Variants in TENM1 observed in about 807,000 individuals in gnomAD.
TENM1 encodes the protein teneurin transmembrane protein 1.
Under a neutral mutation model 174.8 loss-of-function variants are expected in TENM1, and 35 were observed. That is an observed-to-expected ratio of 0.20 (90% CI 0.15 to 0.27). The LOEUF is 0.27. Ranked by LOEUF, TENM1 falls within the 10% of genes least tolerant of loss-of-function variation. The pLI is 1.00. For synonymous variants in TENM1, 781 were observed against 798.7 expected (o/e 0.98, Z 0.37); for missense variants, 1,633 against 2,130.1 (o/e 0.77, Z 4.59).
chrX:124,958,935 A>C (rs2058615955), intron 1 of TENM1, among the ~76,000 whole-genome samples: 1 of 111,244 alleles, frequency 9.0e-6, no homozygotes, highest in African/African-American at 3.3e-5. Context: ...TTAAGTTTAC[A>C]TAACTAGTAA....
the TENM1 span, among the ~76,000 whole-genome samples, chrX:125,107,113 G>A: frequency 8.9e-6 from 1 of 111,977 alleles, no homozygotes; most frequent in Non-Finnish European, 1.9e-5. Flanking sequence ...AGATTTGCGT[G>A]GTTGGATATA....
the TENM1 span, among the ~76,000 whole-genome samples, chrX:125,144,984 G>T: frequency 9.1e-6 from 1 of 110,236 alleles, no homozygotes; most frequent in Non-Finnish European, 1.9e-5. Flanking sequence ...CTGACCTCAG[G>T]TTATCTGCCC....
intron 4 of TENM1, among the ~76,000 whole-genome samples, chrX:124,727,883 T>A (rs1333654098): frequency 8.9e-6 from 1 of 111,942 alleles, no homozygotes; most frequent in Non-Finnish European, 1.9e-5. Flanking sequence ...AAAACTGAAA[T>A]TCAGAAAGGT....
chrX:124,627,556 A>C (rs1462973108), intron 11 of TENM1, among the ~76,000 whole-genome samples: 1 of 111,955 alleles, frequency 8.9e-6, no homozygotes, highest in Non-Finnish European at 1.9e-5. Flanking sequence ...CTCAGATGCC[A>C]ACTGACAGCT....
At chrX:124,812,390 GAAAC>G (rs1000214814) in intron 3 of TENM1, among the ~76,000 whole-genome samples, 10 of 111,430 alleles carry the variant, frequency 9.0e-5, no homozygotes, top group African/African-American at 3.2e-4. Flanking sequence ...GGAAAGAAAA[GAAAC>G]AAGTAATCTC....
chrX:124,626,350 T>C (rs1299212712), intron 11 of TENM1, among the ~76,000 whole-genome samples: 2 of 111,809 alleles, frequency 1.8e-5, no homozygotes, highest in Non-Finnish European at 3.8e-5. Flanking sequence ...TTGCACTTTC[T>C]GATTGGTTTT....
At chrX:124,381,377 G>T in intron 31 of TENM1, 83 bp from the exon 35 acceptor site, 1 of 942,164 alleles carries the variant, frequency 1.1e-6, no homozygotes, top group Non-Finnish European at 1.4e-6. Context: ...GGACAGGCTT[G>T]CAAGTTTGCT....
intron 3 of TENM1, among the ~76,000 whole-genome samples, chrX:124,802,907 C>T (rs1250831205): frequency 2.7e-5 from 3 of 112,040 alleles, no homozygotes; most frequent in Non-Finnish European, 5.6e-5. Context: ...TCTATGTCAT[C>T]AATAGATAAT....
intron 27 of TENM1, among the ~76,000 whole-genome samples, chrX:124,395,920 T>A (rs2060328096): frequency 8.9e-6 from 1 of 112,081 alleles, no homozygotes; most frequent in Non-Finnish European, 1.9e-5. Context: ...TCAACTAAAT[T>A]TGTGGTTTTA....
chrX:124,605,531 T>C (rs1343515435), intron 11 of TENM1, among the ~76,000 whole-genome samples: 1 of 110,742 alleles, frequency 9.0e-6, no homozygotes, highest in African/African-American at 3.3e-5. Context: ...CCAAACATTT[T>C]CAAATACCCT....
chrX:125,147,029 C>T, the TENM1 span, among the ~76,000 whole-genome samples: 1 of 109,753 alleles, frequency 9.1e-6, no homozygotes, highest in Admixed American at 9.7e-5. Context: ...CAAATATACA[C>T]ACATGCATAC....
At chrX:124,467,378 C>T (rs1015298923) in intron 22 of TENM1, among the ~76,000 whole-genome samples, 6 of 111,669 alleles carry the variant, frequency 5.4e-5, no homozygotes, top group African/African-American at 9.8e-5. Context: ...TGACTTTCTT[C>T]GGTCAACGAT....
At chrX:125,121,232 A>G in the TENM1 span, among the ~76,000 whole-genome samples, 2 of 111,459 alleles carry the variant, frequency 1.8e-5, no homozygotes, top group African/African-American at 3.3e-5. Flanking sequence ...TCTATATACC[A>G]GAAGACTATG....
chrX:124,384,136 C>T lies in TENM1; in HGVS notation c.6795G>A (p.Ala2265=), dbSNP rs191706396. The T allele has an allele frequency of 3.2e-5, 39 of 1,209,492 alleles. No homozygotes were observed. The African/African-American group carries it at 5.2e-4, about 16-fold the overall frequency. ...GGTGCTGCCCTAGGCTGGACTTACT[C>T]GCGACACGTCGCCCAAGCCCATCAT... The change falls in exon 30 of 32, where the codon GCG becomes GCA. Residue 2265 remains alanine (A), a synonymous_variant. Coordinates refer to ENST00000422452, the Ensembl canonical transcript of TENM1.
intron 11 of TENM1, among the ~76,000 whole-genome samples, chrX:124,620,708 TTC>T (rs2050497691): frequency 8.9e-6 from 1 of 112,295 alleles, no homozygotes; most frequent in Admixed American, 9.5e-5. Context: ...TACTACAGTA[TTC>T]TGTTTGTATA....
chrX:124,490,766 C>A (rs919763187), intron 20 of TENM1, among the ~76,000 whole-genome samples: 2 of 111,775 alleles, frequency 1.8e-5, no homozygotes, highest in East Asian at 2.8e-4. Context: ...AAGAATAAAT[C>A]ATTTCCAGTC....
At chrX:124,707,086 A>G (rs1306099912) in intron 4 of TENM1, among the ~76,000 whole-genome samples, 1 of 110,297 alleles carries the variant, frequency 9.1e-6, no homozygotes, top group Non-Finnish European at 1.9e-5. Flanking sequence ...GCTCACTGTA[A>G]CTTCCACCTC....
At chrX:124,612,445 T>C (rs1279628072) in intron 11 of TENM1, among the ~76,000 whole-genome samples, 1 of 111,257 alleles carries the variant, frequency 9.0e-6, no homozygotes, top group Non-Finnish European at 1.9e-5. Flanking sequence ...ATCTACTAGG[T>C]TGGAACAGTG....
At chrX:125,146,479 T>C in the TENM1 span, among the ~76,000 whole-genome samples, 5 of 111,804 alleles carry the variant, frequency 4.5e-5, 1 homozygote, top group Non-Finnish European at 9.4e-5. Context: ...TAGGTATTTA[T>C]CTACATTTCT....
Sources: allele counts gnomAD v4.1 joint callset (sites outside exome capture counted in the v4.1 genomes callset), GRCh38; gene constraint gnomAD v4.1.1; transcripts MANE v1.5; gene names NCBI Gene and HGNC (gene_info 2026-07-23, HGNC 2026-07-21).